DCDC1: variants seen among roughly 807,000 people sequenced by gnomAD.
DCDC1 encodes doublecortin domain containing 1.
Under a neutral mutation model 178.3 loss-of-function variants are expected in DCDC1, and 200 were observed. The ratio of observed to expected loss-of-function variants is 1.12; its 90% CI spans 1.00 to 1.26. The LOEUF is 1.26. Ranked by LOEUF, DCDC1 falls within the 50% of genes most tolerant of loss-of-function variation. The pLI is 0.00. For missense variants in DCDC1, 1,983 were observed against 1,749.2 expected, an observed-to-expected ratio of 1.13 and a Z score of -2.38; for synonymous variants, 690 against 604.8, an observed-to-expected ratio of 1.14 and a Z score of -2.07.
intron 9 of DCDC1, among the ~76,000 whole-genome samples, chr11:31,212,512 C>T (rs1377552150): frequency 1.3e-5 from 2 of 151,814 alleles, no homozygotes; most frequent in South Asian, 2.1e-4. Context: ...GCTAACTGGG[C>T]AAAGATATGA....
At chr11:31,105,357 G>A (rs969429723) in intron 13 of DCDC1, among the ~76,000 whole-genome samples, 7 of 151,664 alleles carry the variant, frequency 4.6e-5, no homozygotes, top group Admixed American at 3.9e-4. Context: ...AAAAACAAAT[G>A]TTTAATATTA....
intron 9 of DCDC1, among the ~76,000 whole-genome samples, chr11:31,210,212 C>T (rs1346193429): frequency 1.3e-5 from 2 of 152,186 alleles, no homozygotes; most frequent in Non-Finnish European, 2.9e-5. Context: ...AGTCAGTGCC[C>T]TCCCACGCAA....
At chr11:31,110,687 G>A (rs746506213) in intron 11 of DCDC1, among the ~76,000 whole-genome samples, 36 of 149,614 alleles carry the variant, frequency 2.4e-4, no homozygotes, top group South Asian at 8.5e-4. Flanking sequence ...TGACCACAGC[G>A]GATGCTTAAA....
chr11:31,363,661 ACTCT>A (rs946229948), intron 1 of DCDC1, among the ~76,000 whole-genome samples: 11 of 152,156 alleles, frequency 7.2e-5, no homozygotes, highest in African/African-American at 2.7e-4. Context: ...TCTTCATTAT[ACTCT>A]CTAATTGACT....
intron 13 of DCDC1, 40 bp from the exon 14 acceptor site, chr11:31,103,809 A>C: frequency 1.3e-6 from 1 of 751,980 alleles, no homozygotes; most frequent in Non-Finnish European, 2.4e-6. Flanking sequence ...CTTCAAAATT[A>C]GACATACATT....
chr11:31,042,587 TG>T (rs546270581), intron 20 of DCDC1, among the ~76,000 whole-genome samples: 1 of 152,084 alleles, frequency 6.6e-6, no homozygotes, highest in South Asian at 2.1e-4. Context: ...GGTTTGTTGT[TG>T]TTTTTTTTTT....
At chr11:31,137,409 G>A (rs990551467) in intron 10 of DCDC1, among the ~76,000 whole-genome samples, 12 of 148,152 alleles carry the variant, frequency 8.1e-5, no homozygotes, top group East Asian at 4.0e-4. Context: ...GAGTGCAGTC[G>A]CGCAATCTCT....
chr11:31,001,318 A>T (rs1371625411), intron 20 of DCDC1, among the ~76,000 whole-genome samples: 5 of 152,214 alleles, frequency 3.3e-5, no homozygotes. Context: ...TTGCCATGAA[A>T]GCAAATGGTC....
At chr11:30,871,995 G>A (rs571268648) in intron 38 of DCDC1, among the ~76,000 whole-genome samples, 14 of 151,850 alleles carry the variant, frequency 9.2e-5, no homozygotes, top group African/African-American at 3.4e-4. Context: ...GTGAATGTTG[G>A]ACTAGACATT....
At chr11:31,229,689 T>C (rs949310746) in intron 9 of DCDC1, among the ~76,000 whole-genome samples, 1 of 152,088 alleles carries the variant, frequency 6.6e-6, no homozygotes, top group Non-Finnish European at 1.5e-5. Flanking sequence ...CAATTGGCAT[T>C]TATATCTAGA....
intron 29 of DCDC1, among the ~76,000 whole-genome samples, chr11:30,908,579 A>T (rs1321270300): frequency 6.6e-6 from 1 of 152,172 alleles, no homozygotes; most frequent in African/African-American, 2.4e-5. Flanking sequence ...TATGTGATTC[A>T]TACGGAGGTG....
chr11:31,321,364 G>C, intron 3 of DCDC1, among the ~76,000 whole-genome samples: 1 of 137,416 alleles, frequency 7.3e-6, no homozygotes, highest in Non-Finnish European at 1.6e-5. Context: ...GTGGTGCGCC[G>C]TTTCTTAAGC....
intron 20 of DCDC1, among the ~76,000 whole-genome samples, chr11:31,032,869 C>T (rs1433491669): frequency 6.6e-6 from 1 of 152,034 alleles, no homozygotes; most frequent in Non-Finnish European, 1.5e-5. Context: ...GGGACAATTA[C>T]CTTACTCTTT....
At chr11:31,109,243 G>A (rs779781638) in intron 12 of DCDC1, among the ~76,000 whole-genome samples, 25 of 150,738 alleles carry the variant, frequency 1.7e-4, no homozygotes, top group East Asian at 5.9e-4. Flanking sequence ...CTCAGCCCCC[G>A]AGTAACTGGG....
chr11:30,949,626 C>T (rs1349260893), intron 21 of DCDC1, among the ~76,000 whole-genome samples: 1 of 152,054 alleles, frequency 6.6e-6, no homozygotes, highest in Non-Finnish European at 1.5e-5. Context: ...CAATGATAGA[C>T]TGGATAAAGA....
At chr11:31,305,978 A>G (rs994728341) in intron 5 of DCDC1, among the ~76,000 whole-genome samples, 3 of 152,136 alleles carry the variant, frequency 2.0e-5, no homozygotes, top group African/African-American at 7.2e-5. Flanking sequence ...TAAATTTAAC[A>G]TTTAAATGAT....
chr11:31,183,051 A>C (rs1969025764), intron 9 of DCDC1, among the ~76,000 whole-genome samples: 1 of 152,240 alleles, frequency 6.6e-6, no homozygotes. Context: ...AGAAGAGTTA[A>C]CTATCCTAAA....
intron 9 of DCDC1, among the ~76,000 whole-genome samples, chr11:31,141,681 T>C (rs1415781744): frequency 6.6e-6 from 1 of 152,228 alleles, no homozygotes; most frequent in Non-Finnish European, 1.5e-5. Context: ...ATTGACAAGT[T>C]TCCCAATGGT....
At chr11:31,301,249 A>T (rs1948097494) in intron 6 of DCDC1, among the ~76,000 whole-genome samples, 1 of 152,198 alleles carries the variant, frequency 6.6e-6, no homozygotes, top group Non-Finnish European at 1.5e-5. Context: ...ATGTACAAAC[A>T]ATCTAACCTA....
Sources: allele counts gnomAD v4.1 joint callset (sites outside exome capture counted in the v4.1 genomes callset), GRCh38; gene constraint gnomAD v4.1.1; transcripts MANE v1.5; gene names NCBI Gene and HGNC (gene_info 2026-07-23, HGNC 2026-07-21).